Variants in ZMYM4 observed in about 807,000 individuals in gnomAD.
The protein encoded by ZMYM4 is zinc finger MYM-type protein 4.
Under a neutral mutation model 183.2 loss-of-function variants are expected in ZMYM4, and 31 were observed. That is an observed-to-expected ratio of 0.17 (90% CI 0.13 to 0.23). The LOEUF (loss-of-function observed/expected upper bound fraction) is 0.23. Ranked by LOEUF, ZMYM4 falls within the 10% of genes least tolerant of loss-of-function variation. ZMYM4 has a pLI of 1.00. For synonymous variants in ZMYM4, 592 were observed against 631.2 expected (o/e 0.94, Z 0.93); for missense variants, 1,273 against 1,840.3 (o/e 0.69, Z 5.64).
At position 35,268,824 on chromosome 1, in the gene ZMYM4, TC is replaced by T. The variant is rs1639435035; in HGVS notation, c.-219del. 2.6e-6 allele frequency: 1 copy of T among 388,140 alleles called. No individual in the cohort carries two copies. Among genetic ancestry groups the T allele is most frequent in the Non-Finnish European group, 4.4e-6 (1 of 225,840 alleles). The allele number at this position is 388,140 out of a possible 1,614,324, so 24.0% of individuals were successfully genotyped here. Reference sequence around the variant, plus strand: ...CCCCCGAGTCCCGGCCCCCACCCCGTCCCCGGGCAGGCCCTCCCGCCCACGC... The same window carrying T: ...CCCCCGAGTCCCGGCCCCCACCCCGTCCCGGGCAGGCCCTCCCGCCCACGC... On this transcript the variant is annotated 5_prime_UTR_variant, in exon 1 of 30. Transcript: ENST00000314607.
chr1:35,392,624 T>C, intron 16 of ZMYM4, 23 bp from the exon 17 acceptor site: 1 of 1,583,378 alleles, frequency 6.3e-7, no homozygotes, highest in Non-Finnish European at 8.6e-7. Flanking sequence ...AGATCCTAAA[T>C]TTATGTTTTA....
intron 22 of ZMYM4, among the ~76,000 whole-genome samples, 185 bp downstream of exon 22, chr1:35,399,228 A>T (rs1644860119): frequency 6.6e-6 from 1 of 152,202 alleles, no homozygotes; most frequent in African/African-American, 2.4e-5. Flanking sequence ...TATTGTTCTT[A>T]TAAGTGGTTA....
At chr1:35,297,263 T>C (rs1641063659) in intron 1 of ZMYM4, among the ~76,000 whole-genome samples, 1 of 152,158 alleles carries the variant, frequency 6.6e-6, no homozygotes, top group Admixed American at 6.6e-5. Context: ...TGTAATTCAG[T>C]TTGCACAATT....
At chr1:35,375,760 G>A (rs1417247967) in intron 7 of ZMYM4, among the ~76,000 whole-genome samples, 1 of 152,092 alleles carries the variant, frequency 6.6e-6, no homozygotes, top group Non-Finnish European at 1.5e-5. Context: ...CTTAATGATA[G>A]GGACCTAATA....
chr1:35,305,117 T>C (rs1396155427), intron 1 of ZMYM4, among the ~76,000 whole-genome samples: 1 of 152,206 alleles, frequency 6.6e-6, no homozygotes, highest in Non-Finnish European at 1.5e-5. Flanking sequence ...GTGCTGGGAT[T>C]ACAGGCGTGA....
At chr1:35,288,683 A>T (rs558362224) in intron 1 of ZMYM4, among the ~76,000 whole-genome samples, 5 of 152,332 alleles carry the variant, frequency 3.3e-5, no homozygotes, top group African/African-American at 1.2e-4. Flanking sequence ...TGGCTGATCT[A>T]GGAGAAATAG....
intron 1 of ZMYM4, chr1:35,292,509 T>G (rs1210083879): frequency 6.6e-6 from 1 of 152,280 alleles, no homozygotes; most frequent in African/African-American, 2.4e-5. Context: ...GGTTAGTTGT[T>G]TTTTTTGAGA....
chr1:35,368,148 A>G (rs576381067), intron 5 of ZMYM4, among the ~76,000 whole-genome samples: 38 of 138,134 alleles, frequency 2.8e-4, no homozygotes, highest in African/African-American at 1.0e-3. Flanking sequence ...TCATTCATTT[A>G]CATATTATGT....
intron 1 of ZMYM4, among the ~76,000 whole-genome samples, chr1:35,282,980 G>GTTTTTTTTTTTTTTTTTTTTTTTT (rs775211352): frequency 3.8e-5 from 1 of 26,224 alleles, no homozygotes; most frequent in African/African-American, 9.4e-5. Context: ...TGTGTGTGTG[G>GTTTTTTTTTTTTTTTTTTTTTTTT]TTTTTTTTTT....
intron 2 of ZMYM4, among the ~76,000 whole-genome samples, chr1:35,349,235 G>C (rs1307498355): frequency 6.6e-6 from 1 of 152,138 alleles, no homozygotes; most frequent in African/African-American, 2.4e-5. Context: ...TGATCTGCCT[G>C]CTTCAGCCTC....
At chr1:35,355,014 G>A (rs1643764700) in intron 2 of ZMYM4, among the ~76,000 whole-genome samples, 1 of 151,356 alleles carries the variant, frequency 6.6e-6, no homozygotes, top group South Asian at 2.1e-4. Context: ...TAATATAGCT[G>A]CAAGACTTTA....
At chr1:35,350,795 A>G in intron 2 of ZMYM4, 1 of 491,116 alleles carries the variant, frequency 2.0e-6, no homozygotes. Flanking sequence ...AGATGACGAG[A>G]GGGTAAAACT....
chr1:35,417,731 C>T (rs993852509), intron 28 of ZMYM4, among the ~76,000 whole-genome samples: 13 of 152,064 alleles, frequency 8.5e-5, no homozygotes, highest in Admixed American at 3.3e-4. Context: ...AGATGGCGAC[C>T]GGGCACGGTG....
In ZMYM4 at chr1:35,359,164, G is replaced by A; in HGVS notation, c.325G>A (p.Asp109Asn). 6.2e-7 allele frequency: 1 copy of A among 1,613,618 alleles called. No individual in the cohort carries two copies. The highest frequency in any genetic ancestry group is 1.3e-5 in the African/African-American group (1 of 75,030). ...DNLVSSIHTD[D>N]SLEVERRVTQ... ...TCTTGTTTCTTCAATTCATACTGAT[G>A]ATAGCTTGGAAGTAGAGAGAAGAGT... is the stretch of plus-strand genomic sequence containing the variant. Residue 109 changes from aspartate to asparagine, a missense_variant, in exon 3 of 30, where the codon GAT becomes AAT. Around this residue, in one of 6 missense-constraint regions of ZMYM4, gnomAD observed 384 missense variants for 465.6 expected, o/e 0.82. Coordinates refer to ENST00000314607, the MANE Select transcript of ZMYM4 (RefSeq NM_005095.3).
intron 7 of ZMYM4, among the ~76,000 whole-genome samples, chr1:35,376,532 CT>C (rs72448948): frequency 5.3e-5 from 8 of 149,724 alleles, no homozygotes; most frequent in Admixed American, 1.3e-4. Context: ...ATTTATACTT[CT>C]TTTTTTTTTG....
chr1:35,410,870 G>A (rs1305568850), intron 26 of ZMYM4, among the ~76,000 whole-genome samples: 2 of 151,672 alleles, frequency 1.3e-5, no homozygotes, highest in African/African-American at 4.8e-5. Flanking sequence ...TTTATTGCCT[G>A]TGCTCCTGGT....
intron 1 of ZMYM4, among the ~76,000 whole-genome samples, chr1:35,305,687 G>A (rs994082242): frequency 6.6e-6 from 1 of 151,992 alleles, no homozygotes; most frequent in African/African-American, 2.4e-5. Flanking sequence ...GGAACTACAG[G>A]TACACACCAC....
chr1:35,365,020 TA>T (rs1190887698), intron 5 of ZMYM4, among the ~76,000 whole-genome samples: 5 of 152,182 alleles, frequency 3.3e-5, no homozygotes, highest in Non-Finnish European at 7.4e-5. Flanking sequence ...TTCTTCATTC[TA>T]ATTCTATTGC....
chr1:35,352,738 C>G (rs1643676049), intron 2 of ZMYM4, among the ~76,000 whole-genome samples: 1 of 152,218 alleles, frequency 6.6e-6, no homozygotes, highest in Non-Finnish European at 1.5e-5. Flanking sequence ...ACTCTATTAG[C>G]TGTTCCTTCT....
Sources: allele counts gnomAD v4.1 joint callset (sites outside exome capture counted in the v4.1 genomes callset), GRCh38; gene constraint gnomAD v4.1.1; regional missense constraint gnomAD v4.1.1; transcripts MANE v1.5; gene names NCBI Gene and HGNC (gene_info 2026-07-23, HGNC 2026-07-21).